Variants in CSGALNACT1 observed in about 807,000 individuals in gnomAD.
CSGALNACT1 encodes chondroitin sulfate N-acetylgalactosaminyltransferase 1.
A neutral mutation model predicts 51.0 loss-of-function variants in CSGALNACT1; 52 were observed. The ratio of observed to expected loss-of-function variants is 1.02; its 90% CI spans 0.82 to 1.29. The LOEUF (loss-of-function observed/expected upper bound fraction) is 1.29, where lower values mean the gene tolerates loss of function less well. Ranked by LOEUF, CSGALNACT1 falls within the 50% of genes most tolerant of loss-of-function variation. CSGALNACT1 has a pLI of 0.00. For synonymous variants in CSGALNACT1, 341 were observed against 254.4 expected (o/e 1.34, Z -3.24); for missense variants, 935 against 679.2 (o/e 1.38, Z -4.19).
chr8:19,603,186 G>A (rs2050820832), upstream of CSGALNACT1, among the ~76,000 whole-genome samples: 1 of 151,364 alleles, frequency 6.6e-6, no homozygotes, highest in Non-Finnish European at 1.5e-5. Context: ...AAGGAAAATT[G>A]CTAAGTCTCA....
At chr8:19,631,255 G>A (rs1157153497) in intron 1 of CSGALNACT1, among the ~76,000 whole-genome samples, 1 of 151,710 alleles carries the variant, frequency 6.6e-6, no homozygotes, top group Non-Finnish European at 1.5e-5. Context: ...ACTATGTTTA[G>A]CTTTGGAAAA....
At chr8:19,720,858 T>C (rs1217549346) in intron 1 of CSGALNACT1, among the ~76,000 whole-genome samples, 1 of 152,148 alleles carries the variant, frequency 6.6e-6, no homozygotes, top group African/African-American at 2.4e-5. Context: ...AAGCCCCTGA[T>C]GAAGAATCTG....
chr8:19,498,884 T>C (rs1189004127), intron 4 of CSGALNACT1, among the ~76,000 whole-genome samples: 1 of 152,144 alleles, frequency 6.6e-6, no homozygotes, highest in East Asian at 1.9e-4. Context: ...GATGCCAAGG[T>C]GGGAGGATCA....
At chr8:19,673,091 TGTC>T (rs2059915690) in intron 1 of CSGALNACT1, among the ~76,000 whole-genome samples, 1 of 152,214 alleles carries the variant, frequency 6.6e-6, no homozygotes, top group Admixed American at 6.5e-5. Context: ...AAGGGGCAAA[TGTC>T]GTCTTACACA....
At chr8:19,506,059 G>A (rs966929515) in exon 4 of CSGALNACT1, 2 of 690,230 alleles carry the variant, frequency 2.9e-6, no homozygotes, top group Non-Finnish European at 2.6e-6. Flanking sequence ...AATGACTGAA[G>A]TGAAATCTCC....
intron 3 of CSGALNACT1, among the ~76,000 whole-genome samples, chr8:19,535,285 T>A (rs992486235): frequency 6.6e-6 from 1 of 152,188 alleles, no homozygotes; most frequent in African/African-American, 2.4e-5. Flanking sequence ...AGCGTGTTCT[T>A]CTAGCACCTC....
At chr8:19,446,929 TG>T (rs2062225442) in intron 5 of CSGALNACT1, among the ~76,000 whole-genome samples, 1 of 152,148 alleles carries the variant, frequency 6.6e-6, no homozygotes, top group Admixed American at 6.5e-5. Context: ...CCCCACATAT[TG>T]TAACAAGAGA....
At chr8:19,498,477 G>C (rs974761377) in intron 4 of CSGALNACT1, among the ~76,000 whole-genome samples, 1 of 152,170 alleles carries the variant, frequency 6.6e-6, no homozygotes, top group Non-Finnish European at 1.5e-5. Flanking sequence ...TGTGCAGGGC[G>C]CTCTTTGCCT....
chr8:19,415,458 A>G (rs2056690398), intron 8 of CSGALNACT1, among the ~76,000 whole-genome samples: 1 of 152,194 alleles, frequency 6.6e-6, no homozygotes, highest in South Asian at 2.1e-4. Flanking sequence ...TGCATTTGGA[A>G]GTAAATGTCA....
Position 19,750,143 on chromosome 8 carries a change from ACTT to A in CSGALNACT1, c.-297+7704_-297+7706del, listed in dbSNP as rs1419767749. Among the ~76,000 whole-genome samples, 4 of 152,126 alleles carry A rather than the reference ACTT, an allele frequency of 2.6e-5. No individual in the cohort carries two copies. The East Asian group carries it at 5.8e-4, about 22-fold the overall frequency. ...AACTTCCATGAGACCTGAGTTCTTG[ACTT>A]CTTCTTAAAATAGCTTCTCCCTTAC... is the stretch of plus-strand genomic sequence containing the variant. On this transcript the variant is annotated intron_variant, in intron 1 of 1. Transcript: ENST00000517494.
At chr8:19,639,824 C>T (rs144675305) in intron 1 of CSGALNACT1, among the ~76,000 whole-genome samples, 147 of 151,904 alleles carry the variant, frequency 9.7e-4, no homozygotes, top group African/African-American at 3.3e-3. Flanking sequence ...TATCCATTTG[C>T]ATTATCTAAA....
intron 3 of CSGALNACT1, among the ~76,000 whole-genome samples, chr8:19,514,182 G>C (rs1455322935): frequency 1.3e-5 from 2 of 152,048 alleles, no homozygotes; most frequent in Admixed American, 6.5e-5. Context: ...CCCAGCGAGA[G>C]GACAGGGGTC....
intron 8 of CSGALNACT1, 95 bp from the exon 8 acceptor site, chr8:19,408,789 C>A: frequency 9.4e-7 from 1 of 1,069,436 alleles, no homozygotes; most frequent in South Asian, 1.3e-5. Context: ...AGTGTGGAGC[C>A]CATCCCATCA....
intron 1 of CSGALNACT1, among the ~76,000 whole-genome samples, chr8:19,681,443 G>T (rs766525439): frequency 6.6e-6 from 1 of 152,128 alleles, no homozygotes; most frequent in East Asian, 1.9e-4. Flanking sequence ...GCAGACTTCT[G>T]TCGCCACCAG....
intron 3 of CSGALNACT1, among the ~76,000 whole-genome samples, chr8:19,517,769 G>T (rs2079852735): frequency 6.6e-6 from 1 of 152,070 alleles, no homozygotes; most frequent in Non-Finnish European, 1.5e-5. Context: ...CATTATAGGG[G>T]AAACCACACC....
chr8:19,676,145 G>C (rs1465426833), intron 1 of CSGALNACT1, among the ~76,000 whole-genome samples: 1 of 132,616 alleles, frequency 7.5e-6, no homozygotes, highest in Non-Finnish European at 1.6e-5. Context: ...GTTTACACAA[G>C]ATAACATTCA....
chr8:19,407,414 G>A (rs1006474151), intron 9 of CSGALNACT1, among the ~76,000 whole-genome samples: 8 of 152,120 alleles, frequency 5.3e-5, no homozygotes, highest in African/African-American at 9.7e-5. Context: ...CTGAGGGCAC[G>A]GTCCCCCTGA....
Position 19,757,235 on chromosome 8 carries a change from C to T in CSGALNACT1, c.-297+615G>A, listed in dbSNP as rs1168916830. Reference sequence around the variant, plus strand: ...GCCCGGCTCCGGCCGCTGCCGCCGTCGCTGAACTTTCCCTCCTGCGCGGCC... The same window carrying T: ...GCCCGGCTCCGGCCGCTGCCGCCGTTGCTGAACTTTCCCTCCTGCGCGGCC... On this transcript the variant is annotated intron_variant, in intron 1 of 1. Transcript: ENST00000517494. This position sits in a 1 kb window ranked among gnomAD's most constrained non-coding sequence, Gnocchi z 4.0. The T allele has an allele frequency of 1.3e-5, 2 of 149,792 alleles. No homozygotes were observed. The highest frequency in any genetic ancestry group is 4.9e-5 in the African/African-American group (2 of 41,198). The allele number at this position is 149,792 out of a possible 1,614,324, so 9.3% of individuals were successfully genotyped here.
intron 1 of CSGALNACT1, among the ~76,000 whole-genome samples, chr8:19,716,133 C>T (rs184644305): frequency 6.6e-5 from 10 of 152,150 alleles, no homozygotes; most frequent in Non-Finnish European, 1.0e-4. Flanking sequence ...TCAATAATCC[C>T]GCCCTTTCCT....
Sources: gnomAD v4.1 joint callset for allele counts (sites outside exome capture counted in the v4.1 genomes callset) on GRCh38, gnomAD v4.1.1 for gene constraint, Gnocchi (gnomAD v3.1) non-coding constraint, MANE v1.5 for transcripts, NCBI Gene and HGNC (gene_info 2026-07-23, HGNC 2026-07-21) for gene names.